Variants in LMF1 observed in about 807,000 individuals in gnomAD.
The protein encoded by LMF1 is transmembrane protein 112.
In LMF1, 68 loss-of-function variants were observed where a neutral mutation model predicts 60.6. That is an observed-to-expected ratio of 1.12 (90% confidence interval 0.92 to 1.37). The LOEUF is 1.37. Ranked by LOEUF, LMF1 falls within the 40% of genes most tolerant of loss-of-function variation. The pLI is 0.00. For missense variants in LMF1, 948 were observed against 767.2 expected (o/e 1.24, Z -2.78); for synonymous variants, 418 against 324.7 (o/e 1.29, Z -3.09).
intron 5 of LMF1, among the ~76,000 whole-genome samples, chr16:891,416 T>TG (rs1339427687): frequency 6.6e-6 from 1 of 152,166 alleles, no homozygotes; most frequent in Non-Finnish European, 1.5e-5. Context: ...GGGGACATGG[T>TG]GGGCGCCTCA....
At chr16:898,766 C>A (rs1446234071) in intron 4 of LMF1, among the ~76,000 whole-genome samples, 1 of 152,226 alleles carries the variant, frequency 6.6e-6, no homozygotes, top group Non-Finnish European at 1.5e-5. Context: ...GAAGTTGCTG[C>A]CCTAGTCACC....
chr16:978,172 C>G (rs1479947139), intron 1 of LMF1, among the ~76,000 whole-genome samples: 1 of 148,704 alleles, frequency 6.7e-6, no homozygotes, highest in Non-Finnish European at 1.5e-5. Flanking sequence ...ACACCACACA[C>G]CATACACGCA....
At position 869,003 on chromosome 16, in the gene LMF1, G is replaced by T. The variant is rs34934602; in HGVS notation, c.1470C>A (p.Ser490Arg). 6.2e-7 allele frequency: 1 copy of T among 1,612,540 alleles called. No individual in the cohort carries two copies. The highest frequency in any genetic ancestry group is 8.5e-7 in the Non-Finnish European group (1 of 1,179,736). Residue 490 changes from serine to arginine, a missense_variant, in exon 10 of 11, where the codon AGC becomes AGA. Coordinates refer to ENST00000262301, the MANE Select transcript of LMF1 (RefSeq NM_022773.4). ...IIHLAGKLLASDAEALSLLAH... is the reference protein window; with the variant it reads ...IIHLAGKLLARDAEALSLLAH... The stretch of plus-strand genomic sequence containing the variant: ...CCAGCAGGGACAAGGCCTCGGCGTC[G>T]CTGGCCAGGAGCTTGCCAGCCAGGT...
chr16:881,970 G>A (rs1425823539), intron 5 of LMF1, among the ~76,000 whole-genome samples: 2 of 152,182 alleles, frequency 1.3e-5, no homozygotes, highest in African/African-American at 4.8e-5. Flanking sequence ...GATGAAGAAG[G>A]AGGTCCCATG....
chr16:950,573 C>T (rs1334230213), intron 2 of LMF1, among the ~76,000 whole-genome samples: 3,223 of 118,746 alleles, frequency 0.027, 78 homozygotes, highest in Non-Finnish European at 0.036. Context: ...TCAGAGCCAA[C>T]GACAGAGTCA....
At chr16:906,002 G>A (rs1267810235) in intron 4 of LMF1, among the ~76,000 whole-genome samples, 1 of 152,152 alleles carries the variant, frequency 6.6e-6, no homozygotes, top group Non-Finnish European at 1.5e-5. Context: ...TTCAAGAAGT[G>A]TTAATGGTTT....
At chr16:952,386 C>T (rs1477784808) in intron 2 of LMF1, among the ~76,000 whole-genome samples, 1 of 152,082 alleles carries the variant, frequency 6.6e-6, no homozygotes, top group African/African-American at 2.4e-5. Flanking sequence ...TGCCACCAAG[C>T]CCAGATCAGA....
At chr16:933,860 T>C (rs1021114807) in intron 3 of LMF1, 22 of 858,600 alleles carry the variant, frequency 2.6e-5, no homozygotes, top group Non-Finnish European at 3.0e-5. Flanking sequence ...CAAGCCAAAG[T>C]GCCCACCAGC....
intron 3 of LMF1, among the ~76,000 whole-genome samples, chr16:915,521 G>A (rs555003642): frequency 2.0e-5 from 3 of 152,314 alleles, no homozygotes; most frequent in South Asian, 4.1e-4. Context: ...CGAGATCTGC[G>A]CCTGGCGGCC....
chr16:868,225 C>A (rs1050824726), intron 10 of LMF1, among the ~76,000 whole-genome samples: 2 of 152,096 alleles, frequency 1.3e-5, no homozygotes, highest in Non-Finnish European at 1.5e-5. Flanking sequence ...CCCACACTGT[C>A]CTCAGATCCC....
chr16:872,858 C>G (rs951449333), intron 6 of LMF1: 1 of 152,286 alleles, frequency 6.6e-6, no homozygotes, highest in African/African-American at 2.4e-5. Flanking sequence ...AGTGCCCGTT[C>G]GGATGCTCGG....
intron 4 of LMF1, 94 bp from the exon 5 acceptor site, chr16:893,166 C>T (rs765535374): frequency 4.0e-4 from 438 of 1,105,274 alleles, no homozygotes; most frequent in Middle Eastern, 1.2e-3. Context: ...GAACCATCCA[C>T]GAAGGCCGTG....
At chr16:948,593 G>A (rs1157186136) in intron 2 of LMF1, among the ~76,000 whole-genome samples, 2 of 133,822 alleles carry the variant, frequency 1.5e-5, no homozygotes, top group African/African-American at 2.6e-5. Context: ...GTCAGCCAAC[G>A]ACAGAATCAA....
rs568279714 is a variant in LMF1, at chr16:891,482, C to T, written c.729+1525G>A. 2.6e-5 allele frequency among the ~76,000 whole-genome samples: 4 copies of T among 152,370 alleles called. No homozygotes were observed. The South Asian group carries it at 8.3e-4, about 32-fold the overall frequency. On this transcript the variant is annotated intron_variant, in intron 5 of 10. Transcript: ENST00000262301. ...ACGGTCCTCACCAGCACGCAGCCTT[C>T]GTGGACCTGAGCCCACTGCACCACT...
At chr16:956,277 C>T (rs543710452) in intron 1 of LMF1, among the ~76,000 whole-genome samples, 20 of 152,142 alleles carry the variant, frequency 1.3e-4, no homozygotes, top group Middle Eastern at 3.4e-3. Context: ...TCATGTCCCA[C>T]GGCGCCCACC....
intron 1 of LMF1, among the ~76,000 whole-genome samples, chr16:965,660 C>A (rs143777224): frequency 2.6e-4 from 39 of 152,288 alleles, no homozygotes; most frequent in African/African-American, 8.4e-4. Flanking sequence ...TGGGGATACA[C>A]TCCAGCAAAA....
Position 874,892 on chromosome 16 carries a change from C to T in LMF1, c.898-3551G>A, listed in dbSNP as rs1320988444. Among the ~76,000 whole-genome samples the T allele has an allele frequency of 2.6e-5, 4 of 152,152 alleles. No homozygotes were observed. The highest frequency in any genetic ancestry group is 9.7e-5 in the African/African-American group (4 of 41,418). ...GGCGCGGGTCACTCTCAGCCCCACA[C>T]CATATCATCCCCCAGACACCCTCTG... On this transcript the variant is annotated intron_variant, in intron 6 of 10. Coordinates refer to ENST00000262301, the MANE Select transcript of LMF1 (RefSeq NM_022773.4). This position sits in a 1 kb window ranked among gnomAD's most constrained non-coding sequence, Gnocchi z 4.1.
Position 949,673 on chromosome 16 carries a change from C to A in LMF1, c.503+4684G>T, listed in dbSNP as rs2072384625. Among the ~76,000 whole-genome samples the A allele has an allele frequency of 2.0e-5, 2 of 99,296 alleles. 1 individual carries two copies. Among genetic ancestry groups the A allele is most frequent in the Non-Finnish European group, 3.7e-5 (2 of 53,834 alleles). The allele number at this position is 99,296 out of a possible 152,430, so 65.1% of individuals were successfully genotyped here. A position where few individuals can be genotyped will look rare whatever the true frequency, so the allele number is the denominator to read the frequency against. On this transcript the variant is annotated intron_variant, in intron 2 of 10. Coordinates refer to ENST00000262301, the MANE Select transcript of LMF1 (RefSeq NM_022773.4). ...ACAGAGTCAGAGCCAACGACAGAGT[C>A]AGCCAATGACAGAGTCAGAGACAAC...
At chr16:911,620 TG>T (rs1231685741) in intron 3 of LMF1, among the ~76,000 whole-genome samples, 1 of 11,204 alleles carries the variant, frequency 8.9e-5, no homozygotes, top group Non-Finnish European at 1.8e-4. Context: ...GGGCAGCACT[TG>T]GGGGGGCAGC....
Sources: gnomAD v4.1 joint callset for allele counts (sites outside exome capture counted in the v4.1 genomes callset) on GRCh38, gnomAD v4.1.1 for gene constraint, Gnocchi (gnomAD v3.1) non-coding constraint, MANE v1.5 for transcripts, NCBI Gene and HGNC (gene_info 2026-07-23, HGNC 2026-07-21) for gene names.